CTNNA3: variants seen among roughly 807,000 people sequenced by gnomAD.
CTNNA3 encodes the protein catenin alpha 3, also known as catenin alpha-3.
In CTNNA3, 76 loss-of-function variants were observed where a neutral mutation model predicts 95.7. That is an observed-to-expected ratio of 0.79 (90% CI 0.66 to 0.96). The LOEUF is 0.96. Among genes scored for constraint, CTNNA3 ranks in the 40% least tolerant of loss-of-function variants. The pLI, the probability that CTNNA3 is intolerant of heterozygous loss-of-function variation, is 0.00. For synonymous variants in CTNNA3, 431 were observed against 374.4 expected (o/e 1.15, Z -1.74); for missense variants, 1,191 against 1,089.8 (o/e 1.09, Z -1.31).
At chr10:67,256,478 C>T (rs1866356210) in intron 5 of CTNNA3, among the ~76,000 whole-genome samples, 1 of 152,150 alleles carries the variant, frequency 6.6e-6, no homozygotes, top group South Asian at 2.1e-4. Flanking sequence ...CACATCGCTT[C>T]AGCTCCTTTT....
chr10:66,942,080 C>T (rs1848027710), intron 7 of CTNNA3, among the ~76,000 whole-genome samples: 1 of 152,094 alleles, frequency 6.6e-6, no homozygotes, highest in Admixed American at 6.5e-5. Context: ...AAAATGGGAA[C>T]AATACTTCAT....
intron 5 of CTNNA3, among the ~76,000 whole-genome samples, chr10:67,407,981 C>T (rs1249695212): frequency 6.6e-6 from 1 of 151,958 alleles, no homozygotes; most frequent in Non-Finnish European, 1.5e-5. Flanking sequence ...TAAATGAACT[C>T]CCATTCACAG....
intron 7 of CTNNA3, among the ~76,000 whole-genome samples, chr10:67,089,360 T>G (rs186037358): frequency 6.6e-6 from 1 of 152,248 alleles, no homozygotes. Flanking sequence ...ATTATGTGCT[T>G]CTTGAAAGTG....
chr10:67,643,782 C>T (rs939286431), intron 2 of CTNNA3, among the ~76,000 whole-genome samples: 11 of 151,970 alleles, frequency 7.2e-5, no homozygotes, highest in East Asian at 1.9e-4. Flanking sequence ...GAATATGTGG[C>T]GCTTGGTTTT....
chr10:66,613,701 T>G (rs1402151398), intron 10 of CTNNA3, among the ~76,000 whole-genome samples: 1 of 151,756 alleles, frequency 6.6e-6, no homozygotes, highest in East Asian at 1.9e-4. Context: ...ATTTAAGTCT[T>G]TTTTACATTA....
intron 3 of CTNNA3, among the ~76,000 whole-genome samples, chr10:67,595,100 T>C (rs1295606047): frequency 2.0e-5 from 3 of 152,192 alleles, no homozygotes; most frequent in African/African-American, 4.8e-5. Context: ...ATCATGCATA[T>C]ACACACCAAA....
intron 1 of CTNNA3, among the ~76,000 whole-genome samples, chr10:67,651,166 TTG>T (rs1266396089): frequency 3.9e-5 from 6 of 152,230 alleles, no homozygotes; most frequent in Non-Finnish European, 7.3e-5. Flanking sequence ...CACAATTAGT[TTG>T]TAAGGTGATG....
At chr10:65,970,227 TA>T (rs1023312052) in intron 16 of CTNNA3, among the ~76,000 whole-genome samples, 38 of 152,062 alleles carry the variant, frequency 2.5e-4, no homozygotes, top group African/African-American at 8.7e-4. Context: ...AAACAAGCAC[TA>T]AAAAAATTAA....
intron 7 of CTNNA3, among the ~76,000 whole-genome samples, chr10:66,900,989 C>A (rs1845718611): frequency 6.6e-6 from 1 of 152,174 alleles, no homozygotes; most frequent in African/African-American, 2.4e-5. Flanking sequence ...CCCAGTCTAG[C>A]AAAGCAGGCC....
At chr10:66,165,568 C>T (rs1323312603) in intron 13 of CTNNA3, among the ~76,000 whole-genome samples, 1 of 151,890 alleles carries the variant, frequency 6.6e-6, no homozygotes. Flanking sequence ...CCAATGAGTC[C>T]TAATGCCAGT....
At chr10:67,084,385 T>C (rs1857197704) in intron 7 of CTNNA3, among the ~76,000 whole-genome samples, 1 of 151,984 alleles carries the variant, frequency 6.6e-6, no homozygotes, top group Non-Finnish European at 1.5e-5. Context: ...TTATATTATC[T>C]AATTGACTAT....
rs559717913 is a variant in CTNNA3 at position 66,566,512 on chromosome 10, C to A, written c.1375-45739G>T. On this transcript the variant is annotated intron_variant, in intron 10 of 17. Transcript: ENST00000433211. ...AGTATTCAAACAATTCAAAATCAAA[C>A]GCAAAAGCAATTTTCATGAATTGAG... Among the ~76,000 whole-genome samples the A allele has an allele frequency of 4.6e-5, 7 of 152,274 alleles. No individual in the cohort carries two copies. The East Asian group carries it at 9.6e-4, about 21-fold the overall frequency.
chr10:67,165,709 A>C (rs1418747282), intron 7 of CTNNA3, among the ~76,000 whole-genome samples: 2 of 152,196 alleles, frequency 1.3e-5, no homozygotes, highest in Admixed American at 1.3e-4. Context: ...GACGAAAATG[A>C]GAGAAGATGG....
At chr10:66,655,084 G>A (rs1018660807) in intron 9 of CTNNA3, among the ~76,000 whole-genome samples, 16 of 152,020 alleles carry the variant, frequency 1.1e-4, no homozygotes, top group African/African-American at 3.4e-4. Flanking sequence ...AAAGTATTTT[G>A]TGTTCTTACC....
chr10:66,863,299 A>C (rs1844025943), intron 7 of CTNNA3, among the ~76,000 whole-genome samples: 1 of 152,044 alleles, frequency 6.6e-6, no homozygotes, highest in Non-Finnish European at 1.5e-5. Flanking sequence ...ACTAATACAG[A>C]AGCTTAGGAG....
At chr10:67,350,004 G>A (rs1842572957) in intron 5 of CTNNA3, among the ~76,000 whole-genome samples, 1 of 152,084 alleles carries the variant, frequency 6.6e-6, no homozygotes, top group Non-Finnish European at 1.5e-5. Flanking sequence ...TGACAGACAA[G>A]GCTAGTCAAA....
chr10:67,092,879 T>C (rs541747847), intron 7 of CTNNA3, among the ~76,000 whole-genome samples: 1 of 152,126 alleles, frequency 6.6e-6, no homozygotes, highest in Admixed American at 6.6e-5. Flanking sequence ...AAATTATTCC[T>C]AAGGGAATTT....
At chr10:67,335,295 C>T (rs1841956230) in intron 5 of CTNNA3, among the ~76,000 whole-genome samples, 1 of 152,132 alleles carries the variant, frequency 6.6e-6, no homozygotes, top group African/African-American at 2.4e-5. Context: ...GCCTTGCACC[C>T]TGACCTGCCA....
At chr10:66,771,425 G>C (rs1840081771) in intron 8 of CTNNA3, among the ~76,000 whole-genome samples, 1 of 152,058 alleles carries the variant, frequency 6.6e-6, no homozygotes, top group African/African-American at 2.4e-5. Flanking sequence ...TCAAATGAAT[G>C]ATGGAAAAAG....
Sources: gnomAD v4.1 joint callset for allele counts (sites outside exome capture counted in the v4.1 genomes callset) on GRCh38, gnomAD v4.1.1 for gene constraint, MANE v1.5 for transcripts, NCBI Gene and HGNC (gene_info 2026-07-23, HGNC 2026-07-21) for gene names.